The following TMEM200A variants were observed in gnomAD, a reference collection of about 807,000 sequenced individuals.
TMEM200A encodes the protein transmembrane protein 200A, also known as two transmembrane C.
TMEM200A carries 12 observed loss-of-function variants against 24.3 expected under a neutral mutation model. That is an observed-to-expected ratio of 0.49 (90% CI 0.32 to 0.80). The LOEUF is 0.80. Ranked by LOEUF, TMEM200A falls within the 30% of genes least tolerant of loss-of-function variation. TMEM200A has a pLI of 0.04. For synonymous variants in TMEM200A, 224 were observed against 224.4 expected (o/e 1.00, Z 0.02); for missense variants, 545 against 614.4 (o/e 0.89, Z 1.19).
chr6:130,384,366 C>T (rs75436666), intron 1 of TMEM200A, among the ~76,000 whole-genome samples: 4,238 of 152,206 alleles, frequency 0.028, 73 homozygotes, highest in African/African-American at 0.044. Flanking sequence ...GGCCAGAAAG[C>T]GGTAGCATGA....
intron 1 of TMEM200A, among the ~76,000 whole-genome samples, chr6:130,384,810 A>G (rs542419290): frequency 6.6e-6 from 1 of 152,366 alleles, no homozygotes; most frequent in Non-Finnish European, 1.5e-5. Context: ...ATGGGTAGGT[A>G]ACTCTCCTAT....
chr6:130,371,276 A>G (rs1364329337), intron 1 of TMEM200A, among the ~76,000 whole-genome samples: 1 of 152,144 alleles, frequency 6.6e-6, no homozygotes, highest in Non-Finnish European at 1.5e-5. Flanking sequence ...TAGAACTGAC[A>G]TTTACCAAGG....
intron 2 of TMEM200A, among the ~76,000 whole-genome samples, chr6:130,410,568 G>C (rs531895596): frequency 2.6e-5 from 4 of 152,074 alleles, no homozygotes; most frequent in Admixed American, 2.6e-4. Flanking sequence ...ATTTCATATG[G>C]TATCATAATT....
intron 2 of TMEM200A, among the ~76,000 whole-genome samples, chr6:130,431,710 T>C (rs1216006205): frequency 1.3e-5 from 2 of 152,166 alleles, no homozygotes. Flanking sequence ...TTCTGGCTTT[T>C]AGTCTTTGGA....
At chr6:130,380,140 C>T (rs1027388389) in intron 1 of TMEM200A, among the ~76,000 whole-genome samples, 2 of 152,122 alleles carry the variant, frequency 1.3e-5, no homozygotes, top group African/African-American at 2.4e-5. Context: ...TTAAAAGTTA[C>T]TGAAAATCTT....
chr6:130,431,935 G>C (rs1156744994), intron 2 of TMEM200A, among the ~76,000 whole-genome samples: 2 of 152,198 alleles, frequency 1.3e-5, no homozygotes, highest in East Asian at 3.9e-4. Flanking sequence ...ATATCATTTT[G>C]CAAATTTTCT....
chr6:130,396,854 G>A (rs1381043574), intron 2 of TMEM200A, among the ~76,000 whole-genome samples: 1 of 152,050 alleles, frequency 6.6e-6, no homozygotes. Flanking sequence ...AGTCCAGAAG[G>A]TACTGTTGGA....
intron 2 of TMEM200A, among the ~76,000 whole-genome samples, chr6:130,421,976 TTCTA>T (rs1490458570): frequency 8.5e-5 from 13 of 152,196 alleles, no homozygotes; most frequent in African/African-American, 2.7e-4. Flanking sequence ...TTTAGGTTGA[TTCTA>T]TATATCTTGG....
In TMEM200A at chr6:130,392,182, A is replaced by G. The variant is rs373174293; in HGVS notation, c.-17+6946A>G. ...TCTGTCAAATTGATACTGATCTTCC[A>G]GTGTTATTGTGAAGATCAAATTAGG... On this transcript the variant is annotated intron_variant, in intron 2 of 2. Transcript: ENST00000296978. 8.5e-5 allele frequency among the ~76,000 whole-genome samples: 13 copies of G among 152,296 alleles called. No individual in the cohort carries two copies. The East Asian group carries it at 2.3e-3, about 27-fold the overall frequency.
At chr6:130,396,107 A>G (rs983444230) in intron 2 of TMEM200A, among the ~76,000 whole-genome samples, 4 of 152,224 alleles carry the variant, frequency 2.6e-5, no homozygotes, top group Non-Finnish European at 5.9e-5. Context: ...GCCTAAAAAT[A>G]TCAACTAAAG....
At chr6:130,375,419 G>T (rs554163160) in intron 1 of TMEM200A, among the ~76,000 whole-genome samples, 1 of 152,182 alleles carries the variant, frequency 6.6e-6, no homozygotes, top group African/African-American at 2.4e-5. Flanking sequence ...ATTAATAAAG[G>T]ATTCATTAAA....
chr6:130,427,809 T>A (rs1015102559), intron 2 of TMEM200A, among the ~76,000 whole-genome samples: 1 of 152,130 alleles, frequency 6.6e-6, no homozygotes, highest in Admixed American at 6.6e-5. Context: ...CTTTGCTCAT[T>A]CTTCTTTTCA....
rs62432201 is a variant in TMEM200A, at chr6:130,366,214, A to T, written c.-391A>T. 143,745 of 984,964 alleles carry T rather than the reference A, an allele frequency of 0.15. 11,122 individuals carry two copies. The highest frequency in any genetic ancestry group is 0.38 in the East Asian group (3,269 of 8,680). 61.0% of individuals were successfully genotyped at this position (984,964 alleles called of 1,614,324 possible). ...CCTCTGTGAGCACCGGCAGCGGCGC[A>T]TCCCCTGCCCCGAGGCCTCCGGTGC... On this transcript the variant is annotated 5_prime_UTR_variant, in exon 1 of 3. Transcript: ENST00000296978. The surrounding 1 kb of genome is among the most constrained non-coding windows in gnomAD (Gnocchi z 4.4).
chr6:130,434,029 C>A (rs1221377353), intron 2 of TMEM200A, among the ~76,000 whole-genome samples: 1 of 152,152 alleles, frequency 6.6e-6, no homozygotes, highest in East Asian at 1.9e-4. Flanking sequence ...CATAGCAATT[C>A]TTTTATTTTA....
chr6:130,417,530 G>T (rs1478001304), intron 2 of TMEM200A, among the ~76,000 whole-genome samples: 2 of 152,094 alleles, frequency 1.3e-5, no homozygotes, highest in Admixed American at 6.6e-5. Flanking sequence ...GATTCTTTAT[G>T]AATTCTTTGT....
intron 2 of TMEM200A, among the ~76,000 whole-genome samples, chr6:130,429,747 C>A (rs1440272643): frequency 6.6e-6 from 1 of 152,052 alleles, no homozygotes; most frequent in Non-Finnish European, 1.5e-5. Flanking sequence ...CATGAACATA[C>A]TGATAGGTTT....
At chr6:130,436,852 A>G (rs1583234105) in intron 2 of TMEM200A, among the ~76,000 whole-genome samples, 2 of 151,770 alleles carry the variant, frequency 1.3e-5, no homozygotes, top group African/African-American at 2.4e-5. Context: ...GAGTCTTGCT[A>G]TGTTGCCAGT....
chr6:130,370,048 G>C (rs1778282791), intron 1 of TMEM200A, among the ~76,000 whole-genome samples: 1 of 152,182 alleles, frequency 6.6e-6, no homozygotes, highest in African/African-American at 2.4e-5. Context: ...GGTGGTCCTT[G>C]CTTCAATCAT....
chr6:130,442,454 G>A lies in TMEM200A; in HGVS notation c.*556G>A, dbSNP rs1047120633. The A allele has an allele frequency of 6.0e-6, 1 of 166,000 alleles. No individual in the cohort carries two copies. The highest frequency in any genetic ancestry group is 6.6e-5 in the Admixed American group (1 of 15,266). 10.3% of individuals were successfully genotyped at this position (166,000 alleles called of 1,614,324 possible). On this transcript the variant is annotated 3_prime_UTR_variant, in exon 3 of 3. Coordinates refer to ENST00000296978, the MANE Select transcript of TMEM200A (RefSeq NM_001258277.2). ...AGTTCATTGTGAATCTTGAGTTTTA[G>A]ATAAGTAGTTATTTTTTTCAATATC...
Sources: allele counts gnomAD v4.1 joint callset (sites outside exome capture counted in the v4.1 genomes callset), GRCh38; gene constraint gnomAD v4.1.1; non-coding constraint Gnocchi (gnomAD v3.1); transcripts MANE v1.5; gene names NCBI Gene and HGNC (gene_info 2026-07-23, HGNC 2026-07-21).